The following WDFY3 variants were observed in gnomAD, a reference collection of about 807,000 sequenced individuals.
The protein encoded by WDFY3 is WD repeat and FYVE domain containing 3.
A neutral mutation model predicts 409.6 loss-of-function variants in WDFY3; 66 were observed. The ratio of observed to expected loss-of-function variants is 0.16; its 90% CI spans 0.13 to 0.20. The LOEUF (loss-of-function observed/expected upper bound fraction) is 0.20, where lower values mean the gene tolerates loss of function less well. Among genes scored for constraint, WDFY3 ranks in the 10% least tolerant of loss-of-function variants. WDFY3 has a pLI of 1.00. For missense variants in WDFY3, 3,031 were observed against 4,298.1 expected (o/e 0.71, Z 8.24); for synonymous variants, 1,521 against 1,537.1 (o/e 0.99, Z 0.25).
intron 32 of WDFY3, among the ~76,000 whole-genome samples, chr4:84,760,396 T>A (rs1459387712): frequency 6.6e-6 from 1 of 152,150 alleles, no homozygotes; most frequent in African/African-American, 2.4e-5. Context: ...CTCCTCCTTG[T>A]ACCTCTGGTA....
In WDFY3 at chr4:84,821,357, C is replaced by A; in HGVS notation, c.1318G>T (p.Val440Leu). Residue 440 changes from valine (V) to leucine (L), a missense_variant, in exon 11 of 68, where the codon GTA becomes TTA. Val to Leu is a conservative substitution (Grantham distance 32). Around this residue, in one of 16 missense-constraint regions of WDFY3, gnomAD observed 1,322 missense variants for 1,697.9 expected, o/e 0.78. Coordinates refer to ENST00000295888, the MANE Select transcript of WDFY3 (RefSeq NM_014991.6). ...AGCATCTCAAAGTATTTGTTTTGTA[C>A]TTCTGGGAGTTTAGAAATCTTCTCT... is the stretch of plus-strand genomic sequence containing the variant. ...FAEKISKLPE[V>L]QNKYFEMLEF... 6.2e-7 allele frequency: 1 copy of A among 1,613,810 alleles called. No homozygotes were observed. The highest frequency in any genetic ancestry group is 1.3e-5 in the African/African-American group (1 of 75,042).
At chr4:84,693,156 C>T in intron 58 of WDFY3, 124 bp from the exon 59 acceptor site, 1 of 1,020,202 alleles carries the variant, frequency 9.8e-7, no homozygotes, top group Non-Finnish European at 1.4e-6. Context: ...CTATATTATC[C>T]TCATTTTACA....
At position 84,712,796 on chromosome 4, in the gene WDFY3, T is replaced by C. The variant is rs185980349; in HGVS notation, c.8042+363A>G. Among the ~76,000 whole-genome samples, 160 of 152,256 alleles carry C rather than the reference T, an allele frequency of 1.1e-3. 2 individuals are homozygous for C. The highest frequency in any genetic ancestry group is 3.6e-3 in the African/African-American group (149 of 41,552). On this transcript the variant is annotated intron_variant, in intron 51 of 67. Coordinates refer to ENST00000295888, the MANE Select transcript of WDFY3 (RefSeq NM_014991.6). ...CATGATGTTTTATATATGTGATGAA[T>C]AGATAGCGAATAATAGTTATGTTTC...
At chr4:84,735,212 TA>T in intron 42 of WDFY3, 92 bp from the exon 43 acceptor site, 1 of 1,191,904 alleles carries the variant, frequency 8.4e-7, no homozygotes, top group East Asian at 2.5e-5. Flanking sequence ...AATAATTGGT[TA>T]AAATTCTGCC....
chr4:84,717,471 T>C (rs1734130263), intron 48 of WDFY3, among the ~76,000 whole-genome samples: 2 of 152,214 alleles, frequency 1.3e-5, no homozygotes, highest in Non-Finnish European at 2.9e-5. Flanking sequence ...TGATTGTTGT[T>C]GACAGTAATT....
rs192055541 is a variant in WDFY3 at position 84,732,272 on chromosome 4, T to C, written c.7221+1110A>G. On this transcript the variant is annotated intron_variant, in intron 44 of 67. Transcript: ENST00000295888. ...ATTATTTTAAAAATGTTACTGTTAA[T>C]TGACAAATTGTAATTGTTTATGGTG... is the stretch of plus-strand genomic sequence containing the variant. Among the ~76,000 whole-genome samples the C allele has an allele frequency of 3.9e-4, 60 of 152,316 alleles. 1 individual carries two copies. Among genetic ancestry groups the C allele is most frequent in the Middle Eastern group, 3.4e-3 (1 of 294 alleles).
intron 3 of WDFY3, among the ~76,000 whole-genome samples, chr4:84,878,621 T>C (rs1763089428): frequency 6.6e-6 from 1 of 152,224 alleles, no homozygotes; most frequent in African/African-American, 2.4e-5. Context: ...GAAAGCTATG[T>C]ATACATAATG....
chr4:84,903,626 T>C (rs1766623752), intron 2 of WDFY3, among the ~76,000 whole-genome samples: 1 of 152,120 alleles, frequency 6.6e-6, no homozygotes, highest in Non-Finnish European at 1.5e-5. Context: ...AGTCCTATAA[T>C]ACTGTTTTAA....
rs1775777464 is a variant in WDFY3, at chr4:84,966,471, CT to C, written c.-489del. ...GCGACGCCGCCGCCTTTCCCTTCTC[CT>C]GCCCCCGTCCCTGCTCCGCCGCGTC... On this transcript the variant is annotated 5_prime_UTR_variant, in exon 1 of 68. It removes the in-frame stop codon of an upstream open reading frame in the 5' UTR. Transcript: ENST00000295888. 1 of 156,632 alleles carries C rather than the reference CT, an allele frequency of 6.4e-6. No individual in the cohort carries two copies. Among genetic ancestry groups the C allele is most frequent in the African/African-American group, 2.4e-5 (1 of 41,428 alleles). 9.7% of individuals were successfully genotyped at this position (156,632 alleles called of 1,614,324 possible).
chr4:84,764,947 T>C (rs1743371832), intron 32 of WDFY3, among the ~76,000 whole-genome samples: 2 of 152,050 alleles, frequency 1.3e-5, no homozygotes, highest in South Asian at 4.1e-4. Flanking sequence ...TAGACACTGA[T>C]ACTTAAACTT....
chr4:84,679,338 T>C, intron 64 of WDFY3, 96 bp from the exon 65 acceptor site: 1 of 1,199,688 alleles, frequency 8.3e-7, no homozygotes, highest in Non-Finnish European at 1.1e-6. Flanking sequence ...GTTATAAGCC[T>C]CTATAGACAT....
At chr4:84,702,279 T>C in intron 56 of WDFY3, 74 bp downstream of exon 56, 2 of 1,450,594 alleles carry the variant, frequency 1.4e-6, no homozygotes, top group Non-Finnish European at 1.8e-6. Context: ...GCAGACAATC[T>C]TCAGAGAAGT....
At chr4:84,754,447 A>T (rs1350970909) in intron 34 of WDFY3, among the ~76,000 whole-genome samples, 1 of 152,228 alleles carries the variant, frequency 6.6e-6, no homozygotes, top group Admixed American at 6.5e-5. Context: ...GAGACTCCTA[A>T]AACATTCTAA....
At chr4:84,837,519 A>T (rs1414626623) in intron 6 of WDFY3, among the ~76,000 whole-genome samples, 1 of 152,190 alleles carries the variant, frequency 6.6e-6, no homozygotes, top group African/African-American at 2.4e-5. Flanking sequence ...ACAAAGAAAC[A>T]TTAAGCACTA....
chr4:84,702,245 A>G, intron 56 of WDFY3, 108 bp downstream of exon 56: 1 of 1,220,588 alleles, frequency 8.2e-7, no homozygotes, highest in South Asian at 2.0e-5. Flanking sequence ...ACTGTATCAA[A>G]TTTTTTTCTT....
At chr4:84,950,971 G>GT (rs1773538798) in intron 1 of WDFY3, among the ~76,000 whole-genome samples, 1 of 152,184 alleles carries the variant, frequency 6.6e-6, no homozygotes, top group Admixed American at 6.5e-5. Flanking sequence ...AAAGTGTAAT[G>GT]TAAGTGCTGA....
intron 2 of WDFY3, among the ~76,000 whole-genome samples, chr4:84,898,240 T>C (rs541506479): frequency 4.6e-5 from 7 of 152,292 alleles, no homozygotes; most frequent in Middle Eastern, 3.4e-3. Flanking sequence ...GAAAGTTACA[T>C]TGGACAATGC....
intron 10 of WDFY3, among the ~76,000 whole-genome samples, chr4:84,823,781 TACTG>T (rs1754434028): frequency 6.6e-6 from 1 of 152,206 alleles, no homozygotes; most frequent in South Asian, 2.1e-4. Flanking sequence ...TACCAAGTGT[TACTG>T]ACAGCGTCAA....
chr4:84,897,399 T>G (rs1162755600), intron 2 of WDFY3, among the ~76,000 whole-genome samples: 2 of 152,162 alleles, frequency 1.3e-5, no homozygotes, highest in Non-Finnish European at 2.9e-5. Flanking sequence ...TTTTATTTTT[T>G]GAGACACAGT....
Sources: gnomAD v4.1 joint callset for allele counts (sites outside exome capture counted in the v4.1 genomes callset) on GRCh38, gnomAD v4.1.1 for gene constraint, gnomAD v4.1.1 regional missense constraint, MANE v1.5 for transcripts, NCBI Gene and HGNC (gene_info 2026-07-23, HGNC 2026-07-21) for gene names.